FHIT: variants seen among roughly 807,000 people sequenced by gnomAD.
FHIT encodes bis(5'-adenosyl)-triphosphatase.
In FHIT, 19 loss-of-function variants were observed where a neutral mutation model predicts 17.9. That is an observed-to-expected ratio of 1.06 (90% CI 0.74 to 1.56). The LOEUF (loss-of-function observed/expected upper bound fraction) is 1.56, where lower values mean the gene tolerates loss of function less well. Ranked by LOEUF, FHIT falls within the 40% of genes most tolerant of loss-of-function variation. The pLI, the probability that FHIT is intolerant of heterozygous loss-of-function variation, is 0.00. For synonymous variants in FHIT, 81 were observed against 69.7 expected (o/e 1.16, Z -0.81); for missense variants, 248 against 189.2 (o/e 1.31, Z -1.82).
intron 2 of FHIT, among the ~76,000 whole-genome samples, chr3:61,163,097 C>T (rs985961240): frequency 4.6e-5 from 7 of 152,194 alleles, no homozygotes; most frequent in African/African-American, 1.7e-4. Context: ...CTGTCTCTCA[C>T]ACTCTCTGCA....
At position 60,568,422 on chromosome 3, in the gene FHIT, A is replaced by G. The variant is rs13065516; in HGVS notation, c.-17-31443T>C. Among the ~76,000 whole-genome samples, 649 of 151,258 alleles carry G rather than the reference A, an allele frequency of 4.3e-3. 4 individuals are homozygous for G. Among genetic ancestry groups the G allele is most frequent in the African/African-American group, 0.015 (605 of 41,514 alleles). On this transcript the variant is annotated intron_variant, in intron 4 of 9. Transcript: ENST00000492590. Reference sequence around the variant, plus strand: ...AATTGAACAATGAGAACACATGGACACAGGAAGGGGAACATCACACACCAG... The same window carrying G: ...AATTGAACAATGAGAACACATGGACGCAGGAAGGGGAACATCACACACCAG...
At chr3:60,379,205 C>G (rs1409304269) in intron 5 of FHIT, among the ~76,000 whole-genome samples, 1 of 152,080 alleles carries the variant, frequency 6.6e-6, no homozygotes, top group Admixed American at 6.6e-5. Context: ...GCAAGGCACC[C>G]TGAGGCCATA....
intron 2 of FHIT, among the ~76,000 whole-genome samples, chr3:61,133,265 T>C (rs536976505): frequency 9.8e-5 from 15 of 152,338 alleles, no homozygotes; most frequent in African/African-American, 2.9e-4. Context: ...TGCTACCAGA[T>C]TGTGAACCTC....
At chr3:61,173,382 G>C (rs1318846126) in intron 2 of FHIT, among the ~76,000 whole-genome samples, 1 of 152,168 alleles carries the variant, frequency 6.6e-6, no homozygotes, top group Non-Finnish European at 1.5e-5. Flanking sequence ...GACAGTCACT[G>C]TGCTTGCCTA....
intron 5 of FHIT, among the ~76,000 whole-genome samples, chr3:60,059,266 C>T (rs1452052712): frequency 6.6e-6 from 1 of 152,132 alleles, no homozygotes; most frequent in Non-Finnish European, 1.5e-5. Context: ...CATTAAGAGA[C>T]AAAATGGCAG....
chr3:59,945,817 T>C (rs1706774002), intron 7 of FHIT, among the ~76,000 whole-genome samples: 1 of 152,160 alleles, frequency 6.6e-6, no homozygotes, highest in South Asian at 2.1e-4. Context: ...TGGTCAGCTT[T>C]GTTGAAGATC....
chr3:60,974,761 C>A (rs550106556), intron 3 of FHIT, among the ~76,000 whole-genome samples: 8 of 152,128 alleles, frequency 5.3e-5, no homozygotes, highest in Non-Finnish European at 1.2e-4. Context: ...AAGATTTATT[C>A]CAGTCCACTG....
At chr3:60,318,654 A>G (rs1007529567) in intron 5 of FHIT, among the ~76,000 whole-genome samples, 3 of 152,210 alleles carry the variant, frequency 2.0e-5, no homozygotes, top group African/African-American at 7.2e-5. Context: ...AGTCAGCAGA[A>G]TCGTATAGTC....
At chr3:61,075,647 A>G (rs977156194) in intron 2 of FHIT, among the ~76,000 whole-genome samples, 2 of 152,154 alleles carry the variant, frequency 1.3e-5, no homozygotes, top group Non-Finnish European at 2.9e-5. Flanking sequence ...CAGGAAAGGA[A>G]TAAGTGTGTA....
At chr3:61,021,455 C>T (rs369821833) in intron 3 of FHIT, among the ~76,000 whole-genome samples, 2,951 of 142,028 alleles carry the variant, frequency 0.021, 68 homozygotes, top group African/African-American at 0.047. Context: ...AAAAATTAGC[C>T]GGGCGTAGCG....
chr3:60,265,543 G>C (rs1030042579), intron 5 of FHIT, among the ~76,000 whole-genome samples: 1 of 151,774 alleles, frequency 6.6e-6, no homozygotes, highest in Non-Finnish European at 1.5e-5. Context: ...CACAAGCAAC[G>C]ACAGCCACAA....
chr3:60,612,671 G>C (rs1473701303), intron 4 of FHIT, among the ~76,000 whole-genome samples: 4 of 152,178 alleles, frequency 2.6e-5, no homozygotes, highest in African/African-American at 9.7e-5. Flanking sequence ...ATTTTTAAAA[G>C]AAGGGATATC....
intron 4 of FHIT, among the ~76,000 whole-genome samples, chr3:60,626,805 C>CTTTTTT (rs34696094): frequency 1.1e-4 from 15 of 136,036 alleles, no homozygotes; most frequent in Admixed American, 2.2e-4. Context: ...TTTTTTTTTA[C>CTTTTTT]GTTAAGTATG....
intron 4 of FHIT, among the ~76,000 whole-genome samples, chr3:60,635,204 A>G (rs1307167158): frequency 6.6e-6 from 1 of 152,242 alleles, no homozygotes; most frequent in East Asian, 1.9e-4. Context: ...GAAATATAAA[A>G]TTACTTGCAG....
At chr3:60,076,186 A>G (rs865844973) in intron 5 of FHIT, among the ~76,000 whole-genome samples, 1 of 152,102 alleles carries the variant, frequency 6.6e-6, no homozygotes, top group South Asian at 2.1e-4. Flanking sequence ...GAGAACAGAC[A>G]TGATGGTTTT....
rs138052691 is a variant in FHIT at position 61,224,260 on chromosome 3, T to C, written c.-212-23595A>G. ...TCAATTCAAAAGAACTGAAATAAAA[T>C]TCCACTTTAAAAGTAATACTTCTTT... On this transcript the variant is annotated intron_variant, in intron 1 of 9. Coordinates refer to ENST00000492590, the MANE Select transcript of FHIT (RefSeq NM_002012.4). 5.1e-3 allele frequency among the ~76,000 whole-genome samples: 770 copies of C among 152,328 alleles called. 9 individuals carry two copies. Among genetic ancestry groups the C allele is most frequent in the African/African-American group, 0.018 (739 of 41,572 alleles).
intron 4 of FHIT, among the ~76,000 whole-genome samples, chr3:60,538,205 T>G (rs1013634990): frequency 4.6e-5 from 7 of 152,074 alleles, no homozygotes; most frequent in Admixed American, 6.5e-5. Context: ...TCAAAGAGAA[T>G]AAAATACCTA....
At chr3:60,510,957 A>T (rs1367339840) in intron 5 of FHIT, among the ~76,000 whole-genome samples, 1 of 152,172 alleles carries the variant, frequency 6.6e-6, no homozygotes, top group Non-Finnish European at 1.5e-5. Flanking sequence ...ACAAACCAAG[A>T]ATAAATTCCA....
intron 8 of FHIT, among the ~76,000 whole-genome samples, chr3:59,882,558 A>G (rs530438759): frequency 6.6e-6 from 1 of 152,308 alleles, no homozygotes; most frequent in African/African-American, 2.4e-5. Flanking sequence ...AATCAAAGAG[A>G]TAACTTTCAC....
Sources: allele counts gnomAD v4.1 joint callset (sites outside exome capture counted in the v4.1 genomes callset), GRCh38; gene constraint gnomAD v4.1.1; transcripts MANE v1.5; gene names NCBI Gene and HGNC (gene_info 2026-07-23, HGNC 2026-07-21).